Variants in SHANK2 observed in about 807,000 individuals in gnomAD.
SHANK2 encodes the protein SH3 and multiple ankyrin repeat domains protein 2.
A neutral mutation model predicts 133.7 loss-of-function variants in SHANK2; 43 were observed. The ratio of observed to expected loss-of-function variants is 0.32; its 90% CI spans 0.25 to 0.41. SHANK2 has a LOEUF of 0.41. Among genes scored for constraint, SHANK2 ranks in the 10% least tolerant of loss-of-function variants. The pLI, the probability that SHANK2 is intolerant of heterozygous loss-of-function variation, is 1.00. For synonymous variants in SHANK2, 1,017 were observed against 952.8 expected, an observed-to-expected ratio of 1.07 and a Z score of -1.24; for missense variants, 1,994 against 2,235.8, an observed-to-expected ratio of 0.89 and a Z score of 2.18.
chr11:70,474,839 T>G (rs2058642482), intron 25 of SHANK2: 1 of 152,262 alleles, frequency 6.6e-6, no homozygotes, highest in Non-Finnish European at 1.5e-5. Flanking sequence ...CCAGCTTGGG[T>G]GCACTTTTCT....
intron 2 of SHANK2, among the ~76,000 whole-genome samples, chr11:71,176,612 A>C (rs1487330093): frequency 3.3e-5 from 5 of 152,222 alleles, no homozygotes; most frequent in Non-Finnish European, 7.3e-5. Context: ...TCACACAAAA[A>C]GATTTGTGAA....
At position 70,486,110 on chromosome 11, in the gene SHANK2, G is replaced by C. The variant is rs562626379; in HGVS notation, c.4183C>G (p.Pro1395Ala). 6.2e-6 allele frequency: 10 copies of C among 1,614,044 alleles called. No homozygotes were observed. The highest frequency in any genetic ancestry group is 4.0e-5 in the African/African-American group (3 of 75,046). ...TCATCCAAGTCCACGGATGCCAGAG[G>C]GGGAGGAGGGATGCGGAATGGCAAA... ...VILPFRIPPPPLASVDLDEDF... is the reference protein window; with the variant it reads ...VILPFRIPPPALASVDLDEDF... The change falls in exon 25 of 26, where the codon CCT becomes GCT. Residue 1395 changes from proline to alanine, a missense_variant. This residue lies in a region of SHANK2 where 797 missense variants were observed against 907.4 expected (regional missense o/e 0.88). Transcript: ENST00000601538. This position sits in a 1 kb window ranked among gnomAD's most constrained non-coding sequence, Gnocchi z 8.0.
chr11:71,221,421 C>T (rs1010136064), intron 2 of SHANK2, among the ~76,000 whole-genome samples: 1 of 152,128 alleles, frequency 6.6e-6, no homozygotes, highest in Non-Finnish European at 1.5e-5. Context: ...GGTCCTCACC[C>T]CAGTCCTTCC....
chr11:71,080,214 T>C (rs977592008), intron 8 of SHANK2, among the ~76,000 whole-genome samples: 25 of 151,856 alleles, frequency 1.6e-4, no homozygotes, highest in Non-Finnish European at 2.8e-4. Flanking sequence ...TTTTGGAAAA[T>C]GCATGTGTGG....
intron 17 of SHANK2, among the ~76,000 whole-genome samples, chr11:70,582,526 T>C (rs574966077): frequency 2.0e-5 from 3 of 152,178 alleles, no homozygotes; most frequent in Non-Finnish European, 4.4e-5. Context: ...CTCAGGTCCA[T>C]ATCTGACCAG....
intron 13 of SHANK2, among the ~76,000 whole-genome samples, chr11:70,806,113 G>A (rs1590703101): frequency 1.3e-5 from 2 of 152,216 alleles, no homozygotes; most frequent in Non-Finnish European, 1.5e-5. Flanking sequence ...TGGGGAAGGC[G>A]GGATTTGAAC....
chr11:70,834,855 C>T (rs1004973177), intron 11 of SHANK2, among the ~76,000 whole-genome samples: 9 of 152,082 alleles, frequency 5.9e-5, no homozygotes, highest in African/African-American at 1.7e-4. Flanking sequence ...CACTGAGGAG[C>T]GGGCGTCGGA....
intron 10 of SHANK2, among the ~76,000 whole-genome samples, chr11:70,949,790 C>T (rs76612293): frequency 0.063 from 9,591 of 152,294 alleles, 1,026 homozygotes; most frequent in African/African-American, 0.22. Flanking sequence ...CCTGTTCCTA[C>T]GGTAGGGCTG....
chr11:70,655,068 T>TA lies in SHANK2; in HGVS notation c.2061+4759dup, dbSNP rs1333205758. Among the ~76,000 whole-genome samples the TA allele has an allele frequency of 3.9e-5, 6 of 152,230 alleles. No individual in the cohort carries two copies. In the East Asian group the frequency reaches 1.2e-3, roughly 29 times the overall value. Reference sequence around the variant, plus strand: ...ACAGGCGTGATTTCTACCTGTTTTTTAAAAAATTATTCCCTTAGCATGGAT... The same window carrying TA: ...ACAGGCGTGATTTCTACCTGTTTTTTAAAAAAATTATTCCCTTAGCATGGAT... On this transcript the variant is annotated intron_variant, in intron 17 of 25. Transcript: ENST00000601538.
At chr11:71,203,115 G>A (rs1001901198) in intron 2 of SHANK2, among the ~76,000 whole-genome samples, 13 of 152,154 alleles carry the variant, frequency 8.5e-5, no homozygotes, top group African/African-American at 3.1e-4. Flanking sequence ...CTGCAAGGGT[G>A]GGTCAGCTTT....
chr11:70,517,458 C>A (rs1490111378), intron 17 of SHANK2, among the ~76,000 whole-genome samples: 8 of 152,166 alleles, frequency 5.3e-5, no homozygotes, highest in Admixed American at 1.3e-4. Flanking sequence ...TTGGAAGCAA[C>A]CCAGATGTCT....
chr11:71,085,614 T>TTA (rs1565441465), intron 8 of SHANK2, among the ~76,000 whole-genome samples: 2 of 78,538 alleles, frequency 2.5e-5, no homozygotes, highest in Non-Finnish European at 4.4e-5. Context: ...TAAATATATA[T>TTA]TATATTATAT....
Position 70,502,938 on chromosome 11 carries a change from G to C in SHANK2, c.2062-7C>G, listed in dbSNP as rs781886718. Reference sequence around the variant, plus strand: ...CAACATTCTCATTGTTAACCTGTGGGAAGGCGGAGAGGATGGCATCAGTGA... The same window carrying C: ...CAACATTCTCATTGTTAACCTGTGGCAAGGCGGAGAGGATGGCATCAGTGA... On this transcript the variant is annotated splice_polypyrimidine_tract_variant and splice_region_variant and intron_variant, in intron 17 of 25. Coordinates refer to ENST00000601538, the MANE Select transcript of SHANK2 (RefSeq NM_012309.5). The C allele has an allele frequency of 6.2e-7, 1 of 1,614,150 alleles. No homozygotes were observed. The highest frequency in any genetic ancestry group is 8.5e-7 in the Non-Finnish European group (1 of 1,180,014).
At chr11:70,849,484 A>T (rs1555064780) in intron 11 of SHANK2, among the ~76,000 whole-genome samples, 1 of 152,174 alleles carries the variant, frequency 6.6e-6, no homozygotes, top group Non-Finnish European at 1.5e-5. Flanking sequence ...GTGGCAGGCT[A>T]GTGTAGGAAG....
chr11:71,141,101 G>A (rs1384084040), intron 3 of SHANK2, among the ~76,000 whole-genome samples: 6 of 152,236 alleles, frequency 3.9e-5, no homozygotes, highest in Admixed American at 6.5e-5. Flanking sequence ...TGGGGCTCCC[G>A]GGGCTGGCTG....
chr11:70,951,495 A>G (rs1950840996), intron 10 of SHANK2, among the ~76,000 whole-genome samples: 1 of 149,392 alleles, frequency 6.7e-6, no homozygotes, highest in Admixed American at 6.6e-5. Flanking sequence ...TGACATCATA[A>G]ATTCATTTCC....
At position 70,471,393 on chromosome 11, in the gene SHANK2, G is replaced by C; in HGVS notation, c.*1476C>G. On this transcript the variant is annotated 3_prime_UTR_variant, in exon 26 of 26. Transcript: ENST00000601538. This position sits in a 1 kb window ranked among gnomAD's most constrained non-coding sequence, Gnocchi z 4.1. ...GGGAGAATGTGCTGGAAGCCTGACT[G>C]TGTGTTTTGCGGCCCATGTGCATCT... The C allele has an allele frequency of 2.5e-6, 1 of 398,948 alleles. No homozygotes were observed. Among genetic ancestry groups the C allele is most frequent in the Non-Finnish European group, 4.4e-6 (1 of 226,060 alleles). The allele number at this position is 398,948 out of a possible 1,614,324, so 24.7% of individuals were successfully genotyped here.
At chr11:70,742,766 G>A (rs1371022783) in intron 14 of SHANK2, among the ~76,000 whole-genome samples, 1 of 152,242 alleles carries the variant, frequency 6.6e-6, no homozygotes, top group East Asian at 1.9e-4. Context: ...GGAGATAAGA[G>A]GCAAGGGGGC....
chr11:71,224,610 C>T (rs1555121875), intron 2 of SHANK2, 87 bp downstream of exon 2: 2 of 152,288 alleles, frequency 1.3e-5, no homozygotes, highest in Admixed American at 1.3e-4. Flanking sequence ...TCCCTGGCCA[C>T]AGTGCAAAGG....
Sources: allele counts gnomAD v4.1 joint callset (sites outside exome capture counted in the v4.1 genomes callset), GRCh38; gene constraint gnomAD v4.1.1; regional missense constraint gnomAD v4.1.1; non-coding constraint Gnocchi (gnomAD v3.1); transcripts MANE v1.5; gene names NCBI Gene and HGNC (gene_info 2026-07-23, HGNC 2026-07-21).